KCNH7: variants seen among roughly 807,000 people sequenced by gnomAD.
KCNH7 encodes the protein potassium voltage-gated channel subfamily H member 7.
A neutral mutation model predicts 120.8 loss-of-function variants in KCNH7; 49 were observed. The ratio of observed to expected loss-of-function variants is 0.41; its 90% CI spans 0.32 to 0.51. The LOEUF (loss-of-function observed/expected upper bound fraction) is 0.51, where lower values mean the gene tolerates loss of function less well. Among genes scored for constraint, KCNH7 ranks in the 20% least tolerant of loss-of-function variants. The pLI is 0.38. For missense variants in KCNH7, 1,097 were observed against 1,446.6 expected, an observed-to-expected ratio of 0.76 and a Z score of 3.92; for synonymous variants, 547 against 516.1, an observed-to-expected ratio of 1.06 and a Z score of -0.81.
chr2:162,714,776 A>G (rs115241173), intron 2 of KCNH7, among the ~76,000 whole-genome samples: 87 of 152,330 alleles, frequency 5.7e-4, no homozygotes, highest in African/African-American at 1.9e-3. Flanking sequence ...ACTGAAATTT[A>G]GATTTTATAT....
intron 6 of KCNH7, among the ~76,000 whole-genome samples, chr2:162,465,100 A>C (rs1310067545): frequency 6.6e-6 from 1 of 152,172 alleles, no homozygotes; most frequent in Non-Finnish European, 1.5e-5. Flanking sequence ...AGCTTTACCA[A>C]GACCTTATTA....
chr2:162,463,274 C>G (rs1689203095), intron 6 of KCNH7, among the ~76,000 whole-genome samples: 1 of 151,926 alleles, frequency 6.6e-6, no homozygotes, highest in Non-Finnish European at 1.5e-5. Flanking sequence ...AGAAGTAAAA[C>G]AAGGTGTCTT....
At chr2:162,635,244 G>C (rs1221547891) in intron 2 of KCNH7, among the ~76,000 whole-genome samples, 1 of 151,954 alleles carries the variant, frequency 6.6e-6, no homozygotes, top group Non-Finnish European at 1.5e-5. Context: ...CTAGACATTG[G>C]GATATAAAAT....
intron 2 of KCNH7, among the ~76,000 whole-genome samples, chr2:162,682,228 T>C (rs1269417238): frequency 6.6e-6 from 1 of 151,698 alleles, no homozygotes; most frequent in Admixed American, 6.6e-5. Flanking sequence ...TATCTGAATG[T>C]CCATAGGTGC....
chr2:162,742,631 G>C (rs189392514), intron 2 of KCNH7, among the ~76,000 whole-genome samples: 1 of 152,192 alleles, frequency 6.6e-6, no homozygotes, highest in African/African-American at 2.4e-5. Context: ...TCAACTAATT[G>C]TATGTTTAAA....
rs191648373 is a variant in KCNH7 at position 162,498,701 on chromosome 2, T to C, written c.1128+5742A>G. ...CATGGCCCAAGATGGTCAATAAGAG[T>C]CTTCTTTTTCTGGGAATAATATGGA... On this transcript the variant is annotated intron_variant, in intron 6 of 15. Coordinates refer to ENST00000332142, the MANE Select transcript of KCNH7 (RefSeq NM_033272.4). Among the ~76,000 whole-genome samples, 178 of 152,064 alleles carry C rather than the reference T, an allele frequency of 1.2e-3. 1 individual carries two copies. Among genetic ancestry groups the C allele is most frequent in the Middle Eastern group, 3.4e-3 (1 of 294 alleles).
At chr2:162,643,272 T>C (rs1684229382) in intron 2 of KCNH7, among the ~76,000 whole-genome samples, 1 of 152,052 alleles carries the variant, frequency 6.6e-6, no homozygotes, top group Non-Finnish European at 1.5e-5. Context: ...ATTGATTTTT[T>C]TTTTTTAGCT....
intron 2 of KCNH7, among the ~76,000 whole-genome samples, chr2:162,752,325 T>A (rs909858461): frequency 3.3e-5 from 5 of 152,206 alleles, no homozygotes; most frequent in Admixed American, 1.3e-4. Context: ...TAGCTTTATA[T>A]CAACTACAAT....
chr2:162,750,964 C>T (rs1688518556), intron 2 of KCNH7, among the ~76,000 whole-genome samples: 1 of 151,920 alleles, frequency 6.6e-6, no homozygotes, highest in African/African-American at 2.4e-5. Context: ...CTTTTTTCTT[C>T]CCCCTCTGAA....
chr2:162,491,455 A>G (rs1441940132), intron 6 of KCNH7, among the ~76,000 whole-genome samples: 6 of 152,098 alleles, frequency 3.9e-5, no homozygotes, highest in Non-Finnish European at 7.4e-5. Flanking sequence ...ACCCAGCTCC[A>G]CAGCTTTACC....
At chr2:162,433,138 A>G (rs1688124079) in intron 8 of KCNH7, among the ~76,000 whole-genome samples, 2 of 152,144 alleles carry the variant, frequency 1.3e-5, no homozygotes, top group African/African-American at 4.8e-5. Flanking sequence ...GATGACACAA[A>G]CAAATGGACA....
intron 2 of KCNH7, among the ~76,000 whole-genome samples, chr2:162,758,374 C>T (rs1688858081): frequency 6.6e-6 from 1 of 152,022 alleles, no homozygotes; most frequent in Non-Finnish European, 1.5e-5. Context: ...GTATAAACAG[C>T]AATCCAAAAA....
intron 2 of KCNH7, among the ~76,000 whole-genome samples, chr2:162,600,719 A>G (rs1694523996): frequency 6.6e-6 from 1 of 152,126 alleles, no homozygotes; most frequent in African/African-American, 2.4e-5. Flanking sequence ...CAATACAGAC[A>G]AACTCCATTT....
At chr2:162,690,860 A>G (rs931371356) in intron 2 of KCNH7, among the ~76,000 whole-genome samples, 3 of 152,212 alleles carry the variant, frequency 2.0e-5, no homozygotes, top group African/African-American at 7.2e-5. Flanking sequence ...TATTGCTTAT[A>G]TAATTTTCAG....
chr2:162,371,802 G>T lies in KCNH7; in HGVS notation c.*27C>A. On this transcript the variant is annotated 3_prime_UTR_variant, in exon 16 of 16. Transcript: ENST00000332142. The stretch of plus-strand genomic sequence containing the variant: ...AACAGCCATTAAAAGCACTTACATT[G>T]TATGTGGAGTAAATAGTACAAAATG... The T allele has an allele frequency of 1.3e-6, 2 of 1,589,186 alleles. No individual in the cohort carries two copies. Among genetic ancestry groups the T allele is most frequent in the South Asian group, 1.1e-5 (1 of 89,980 alleles).
At chr2:162,558,463 C>G (rs1574099966) in intron 2 of KCNH7, among the ~76,000 whole-genome samples, 1 of 150,292 alleles carries the variant, frequency 6.7e-6, no homozygotes, top group African/African-American at 2.4e-5. Flanking sequence ...CGTGAGCCAC[C>G]GTGCCCGGCC....
chr2:162,596,038 A>T (rs191454630), intron 2 of KCNH7, among the ~76,000 whole-genome samples: 13 of 152,214 alleles, frequency 8.5e-5, no homozygotes, highest in Non-Finnish European at 1.9e-4. Context: ...ATAAAAATAA[A>T]TTGATGAAAG....
At chr2:162,653,513 G>T (rs1229460408) in intron 2 of KCNH7, among the ~76,000 whole-genome samples, 1 of 152,108 alleles carries the variant, frequency 6.6e-6, no homozygotes, top group African/African-American at 2.4e-5. Context: ...CCAAGGAGGT[G>T]AAAGATCTGT....
At chr2:162,779,994 A>G (rs1683415312) in intron 2 of KCNH7, among the ~76,000 whole-genome samples, 1 of 152,190 alleles carries the variant, frequency 6.6e-6, no homozygotes, top group Non-Finnish European at 1.5e-5. Flanking sequence ...TGCATGATCA[A>G]TTGGTATAGC....
Sources: gnomAD v4.1 joint callset for allele counts (sites outside exome capture counted in the v4.1 genomes callset) on GRCh38, gnomAD v4.1.1 for gene constraint, MANE v1.5 for transcripts, NCBI Gene and HGNC (gene_info 2026-07-23, HGNC 2026-07-21) for gene names.